Variants in PTPRK observed in about 807,000 individuals in gnomAD.
The protein encoded by PTPRK is protein tyrosine phosphatase receptor type K.
A neutral mutation model predicts 178.0 loss-of-function variants in PTPRK; 75 were observed. The ratio of observed to expected loss-of-function variants is 0.42; its 90% CI spans 0.35 to 0.51. The LOEUF (loss-of-function observed/expected upper bound fraction) is 0.51. Ranked by LOEUF, PTPRK falls within the 20% of genes least tolerant of loss-of-function variation. PTPRK has a pLI of 0.02. For synonymous variants in PTPRK, 637 were observed against 620.6 expected (o/e 1.03, Z -0.39); for missense variants, 1,441 against 1,797.8 (o/e 0.80, Z 3.59).
chr6:128,222,735 A>T (rs1810637933), intron 5 of PTPRK, among the ~76,000 whole-genome samples: 1 of 152,172 alleles, frequency 6.6e-6, no homozygotes. Flanking sequence ...AGATTCTTTC[A>T]ACTTTCTATT....
Position 128,472,431 on chromosome 6 carries a change from C to G in PTPRK, c.100+47828G>C, listed in dbSNP as rs932020081. Among the ~76,000 whole-genome samples, 208 of 130,976 alleles carry G rather than the reference C, an allele frequency of 1.6e-3. 2 individuals are homozygous for G. Among genetic ancestry groups the G allele is most frequent in the Non-Finnish European group, 2.6e-3 (163 of 61,690 alleles). The allele number at this position is 130,976 out of a possible 152,430, so 85.9% of individuals were successfully genotyped here. A position where few individuals can be genotyped will look rare whatever the true frequency, so the allele number is the denominator to read the frequency against. On this transcript the variant is annotated intron_variant, in intron 1 of 29. Transcript: ENST00000368226. ...CCTGAATTTTTGACACCCCCCCCCC[C>G]TTTAGCTTAGGGAACTCCCTGAATT...
intron 7 of PTPRK, among the ~76,000 whole-genome samples, chr6:128,133,651 C>T (rs1329205313): frequency 1.3e-5 from 2 of 151,466 alleles, no homozygotes; most frequent in Non-Finnish European, 2.9e-5. Context: ...AACAGAAAAG[C>T]TACAAGCAAG....
At chr6:128,276,576 C>T (rs1196679832) in intron 3 of PTPRK, among the ~76,000 whole-genome samples, 1 of 152,076 alleles carries the variant, frequency 6.6e-6, no homozygotes, top group Non-Finnish European at 1.5e-5. Context: ...CATAAACTGG[C>T]TTTAAGCTTT....
intron 13 of PTPRK, among the ~76,000 whole-genome samples, chr6:128,017,815 T>TAAAAAAAA (rs1779781495): frequency 7.5e-6 from 1 of 133,196 alleles, no homozygotes; most frequent in Non-Finnish European, 1.6e-5. Context: ...TATATATATA[T>TAAAAAAAA]ATATATATAT....
intron 2 of PTPRK, among the ~76,000 whole-genome samples, chr6:128,357,282 T>C (rs1278571391): frequency 1.6e-4 from 25 of 152,226 alleles, no homozygotes; most frequent in Non-Finnish European, 1.5e-5. Flanking sequence ...TAGGTATATC[T>C]CAGTAACTGT....
intron 1 of PTPRK, among the ~76,000 whole-genome samples, chr6:128,462,288 T>C (rs1222453869): frequency 6.6e-6 from 1 of 152,210 alleles, no homozygotes; most frequent in Non-Finnish European, 1.5e-5. Context: ...ACATACATAA[T>C]TTTAAATTTG....
At chr6:128,163,134 T>A (rs1413341864) in intron 7 of PTPRK, among the ~76,000 whole-genome samples, 1 of 151,282 alleles carries the variant, frequency 6.6e-6, no homozygotes, top group Non-Finnish European at 1.5e-5. Context: ...GGTTTTGGAC[T>A]GGGATGGGCT....
intron 7 of PTPRK, among the ~76,000 whole-genome samples, chr6:128,108,970 G>A (rs1256028892): frequency 6.6e-6 from 1 of 152,012 alleles, no homozygotes; most frequent in Non-Finnish European, 1.5e-5. Flanking sequence ...CCCAAACTCT[G>A]ACCTCCAAAT....
At chr6:128,149,743 A>G (rs1248176282) in intron 7 of PTPRK, among the ~76,000 whole-genome samples, 2 of 152,130 alleles carry the variant, frequency 1.3e-5, no homozygotes, top group Non-Finnish European at 2.9e-5. Context: ...ATAACTTTCT[A>G]TTTTGATATA....
chr6:127,975,562 T>C (rs1305240246), intron 27 of PTPRK, among the ~76,000 whole-genome samples: 1 of 152,232 alleles, frequency 6.6e-6, no homozygotes, highest in African/African-American at 2.4e-5. Context: ...GAGCTGGTGC[T>C]TTAAAAAACA....
chr6:128,488,891 G>C (rs1437145128), intron 1 of PTPRK, among the ~76,000 whole-genome samples: 1 of 150,670 alleles, frequency 6.6e-6, no homozygotes, highest in African/African-American at 2.4e-5. Flanking sequence ...AACAAATAGA[G>C]TGTTTTAAAA....
At chr6:128,368,960 A>AC (rs201151331) in intron 2 of PTPRK, among the ~76,000 whole-genome samples, 1,588 of 152,130 alleles carry the variant, frequency 0.01, 23 homozygotes, top group African/African-American at 0.036. Flanking sequence ...CAAAAAAAAA[A>AC]ACACACACAC....
rs577085165 is a variant in PTPRK, at chr6:128,223,587, T to C, written c.694-4491A>G. Reference sequence around the variant, plus strand: ...ATAATTAATGAGTACAAAAGACTTATGTGATATTTATTTCTTGAAATAAAA... The same window carrying C: ...ATAATTAATGAGTACAAAAGACTTACGTGATATTTATTTCTTGAAATAAAA... On this transcript the variant is annotated intron_variant, in intron 5 of 29. Transcript: ENST00000368226. 2.3e-4 allele frequency among the ~76,000 whole-genome samples: 35 copies of C among 152,302 alleles called. 2 individuals carry two copies. In the South Asian group the frequency reaches 6.8e-3, roughly 30 times the overall value.
intron 5 of PTPRK, among the ~76,000 whole-genome samples, chr6:128,237,501 A>G (rs1027057740): frequency 3.3e-5 from 5 of 152,210 alleles, no homozygotes; most frequent in African/African-American, 1.2e-4. Flanking sequence ...CCACACAAAA[A>G]GGTTATCAAG....
At position 128,322,292 on chromosome 6, in the gene PTPRK, T is replaced by A; in HGVS notation, c.242A>T (p.Asp81Val). Residue 81 changes from aspartate (D) to valine (V), a missense_variant, in exon 3 of 30, where the codon GAC becomes GTC. By Grantham distance (152) the Asp-to-Val change is radical. Transcript: ENST00000368226. ...TTCTCCAGGGTCGTGATCTGAAGAG[T>A]CCACTATCATATAGGAACCTGAAAT... is the stretch of plus-strand genomic sequence containing the variant. ...EMPQGSYMIV[D>V]SSDHDPGEKA... 6.3e-7 allele frequency: 1 copy of A among 1,587,538 alleles called. No individual in the cohort carries two copies. Among genetic ancestry groups the A allele is most frequent in the Non-Finnish European group, 8.6e-7 (1 of 1,156,264 alleles).
intron 1 of PTPRK, among the ~76,000 whole-genome samples, chr6:128,468,838 G>A (rs1419188770): frequency 7.0e-5 from 9 of 128,918 alleles, no homozygotes; most frequent in African/African-American, 2.7e-4. Context: ...GTTTCAATCA[G>A]AAATAATTTC....
chr6:128,309,818 G>A (rs574405507), intron 3 of PTPRK, among the ~76,000 whole-genome samples: 149 of 151,866 alleles, frequency 9.8e-4, no homozygotes, highest in Non-Finnish European at 1.8e-3. Context: ...CATTTTTATA[G>A]AAAATTTCCA....
intron 15 of PTPRK, among the ~76,000 whole-genome samples, chr6:128,003,771 T>A (rs911026478): frequency 2.6e-5 from 4 of 151,878 alleles, no homozygotes; most frequent in African/African-American, 9.7e-5. Context: ...AGATGATACA[T>A]CTTTATTTTC....
chr6:128,000,882 A>G (rs1777758759), intron 15 of PTPRK, among the ~76,000 whole-genome samples: 1 of 151,990 alleles, frequency 6.6e-6, no homozygotes, highest in Admixed American at 6.6e-5. Flanking sequence ...ACAATTGAAA[A>G]AGGCTCAGTG....
Sources: allele counts gnomAD v4.1 joint callset (sites outside exome capture counted in the v4.1 genomes callset), GRCh38; gene constraint gnomAD v4.1.1; transcripts MANE v1.5; gene names NCBI Gene and HGNC (gene_info 2026-07-23, HGNC 2026-07-21).